The following TARS1 variants were observed in gnomAD, a reference collection of about 807,000 sequenced individuals.
The protein encoded by TARS1 is threonyl-tRNA synthetase 1.
A neutral mutation model predicts 97.7 loss-of-function variants in TARS1; 57 were observed. The ratio of observed to expected loss-of-function variants is 0.58; its 90% CI spans 0.47 to 0.73. The LOEUF (loss-of-function observed/expected upper bound fraction) is 0.73, where lower values mean the gene tolerates loss of function less well. Ranked by LOEUF, TARS1 falls within the 30% of genes least tolerant of loss-of-function variation. TARS1 has a pLI of 0.00. For synonymous variants in TARS1, 312 were observed against 293.7 expected (o/e 1.06, Z -0.64); for missense variants, 806 against 888.3 (o/e 0.91, Z 1.18).
Position 33,461,151 on chromosome 5 carries a change from TTTGAAGA to T in TARS1, c.1416_1422del (p.Ile472MetfsTer3). The T allele has an allele frequency of 6.2e-7, 1 of 1,602,294 alleles. No individual in the cohort carries two copies. The highest frequency in any genetic ancestry group is 8.5e-7 in the Non-Finnish European group (1 of 1,174,848). ...TACTGTTTCTTTTTTTGTTTTTTAATTTGAAGATTGAAGATGAAATAAAAGGTTGTTT... is the reference window on the plus strand; with the variant it reads ...TACTGTTTCTTTTTTTGTTTTTTAATTTGAAGATGAAATAAAAGGTTGTTT... On this transcript the variant is annotated splice_acceptor_variant and splice_polypyrimidine_tract_variant and coding_sequence_variant and intron_variant, in exon 13 of 19. Transcript: ENST00000265112. LOFTEE classifies it high-confidence loss of function.
chr5:33,463,802 AC>A lies in TARS1; in HGVS notation c.1887del (p.Cys630ValfsTer29), dbSNP rs767014976. 5.0e-6 allele frequency: 8 copies of A among 1,612,408 alleles called. No homozygotes were observed. The highest frequency in any genetic ancestry group is 6.8e-6 in the Non-Finnish European group (8 of 1,179,196). On this transcript the variant is annotated frameshift_variant, in exon 17 of 19. Coordinates refer to ENST00000265112, the MANE Select transcript of TARS1 (RefSeq NM_152295.5). LOFTEE classifies it high-confidence loss of function. ...RQVMVVPVGPTCDEYAQKVRQ... is the reference protein window; with the variant it reads ...RQVMVVPVGPXCDEYAQKVRQ... The stretch of plus-strand genomic sequence containing the variant: ...GGTAATGGTAGTTCCAGTGGGACCA[AC>A]CTGTGATGAATATGCCCAAAAGGTA...
intron 4 of TARS1, among the ~76,000 whole-genome samples, chr5:33,454,315 C>T (rs1224692516): frequency 3.3e-5 from 5 of 152,116 alleles, no homozygotes; most frequent in African/African-American, 4.8e-5. Context: ...AAGTTTCTTA[C>T]GAGAATTTTT....
intron 2 of TARS1, 141 bp from the exon 3 acceptor site, chr5:33,448,400 G>A (rs1741528523): frequency 1.7e-6 from 1 of 598,572 alleles, no homozygotes; most frequent in Non-Finnish European, 2.6e-6. Flanking sequence ...GTAATGCCGG[G>A]TGATTTTGGC....
chr5:33,455,575 C>A lies in TARS1; in HGVS notation c.576-12C>A, dbSNP rs761122675. On this transcript the variant is annotated splice_polypyrimidine_tract_variant and intron_variant, in intron 5 of 18. Transcript: ENST00000265112. ...GAATGGAATGAAAAGATTATACTTT[C>A]TTCTCCTTCAGGGGTGTGTCTAGCA... The A allele has an allele frequency of 3.3e-6, 5 of 1,535,546 alleles. No homozygotes were observed. The highest frequency in any genetic ancestry group is 4.4e-6 in the Non-Finnish European group (5 of 1,124,620).
upstream of TARS1, chr5:33,440,780 A>G (rs1246772629): frequency 3.8e-5 from 19 of 494,092 alleles, no homozygotes; most frequent in East Asian, 5.7e-4. Context: ...GACCAAGGTC[A>G]GCGGAGAGTA....
In TARS1 at chr5:33,463,229, G is replaced by GAATTGGATGGGCTTATTTTTT. The variant is rs1385214817; in HGVS notation, c.1836-520_1836-500dup. Among the ~76,000 whole-genome samples, 4 of 152,326 alleles carry GAATTGGATGGGCTTATTTTTT rather than the reference G, an allele frequency of 2.6e-5. No homozygotes were observed. The East Asian group carries it at 5.8e-4, about 22-fold the overall frequency. On this transcript the variant is annotated intron_variant, in intron 16 of 18. Transcript: ENST00000265112. ...TGACACTTGTATTGCTTCAAAGGGA[G>GAATTGGATGGGCTTATTTTTT]AATTGGATGGGCTTATTTTTTAATA...
rs972151438 is a variant in TARS1, at chr5:33,456,101, A to G, written c.758+35A>G. 3.7e-6 allele frequency: 6 copies of G among 1,612,192 alleles called. No homozygotes were observed. The African/African-American group carries it at 8.0e-5, about 22-fold the overall frequency. ...TTAGATGTCATTAAATGTATCTGGT[A>G]TGTATGTCATTTTGTCTTTGTTAAA... is the stretch of plus-strand genomic sequence containing the variant. On this transcript the variant is annotated intron_variant, in intron 7 of 18. Transcript: ENST00000265112.
chr5:33,458,596 A>T lies in TARS1; in HGVS notation c.1015A>T (p.Ser339Cys). Residue 339 changes from serine (S) to cysteine (C), a missense_variant, in exon 10 of 19, where the codon AGC becomes TGC. Physicochemically the swap from Ser to Cys is moderately radical, Grantham distance 112. Around this residue, in one of 3 missense-constraint regions of TARS1, gnomAD observed 446 missense variants for 511.0 expected, o/e 0.87. Coordinates refer to ENST00000265112, the MANE Select transcript of TARS1 (RefSeq NM_152295.5). The stretch of plus-strand genomic sequence containing the variant: ...AGAACTATATTTCTTTCATGAACTC[A>T]GCCCTGGAAGTTGCTTTTTTCTGCC... Reference protein sequence around the residue: ...DQELYFFHELSPGSCFFLPKG... With the variant: ...DQELYFFHELCPGSCFFLPKG... 6.2e-7 allele frequency: 1 copy of T among 1,613,596 alleles called. No individual in the cohort carries two copies. The highest frequency in any genetic ancestry group is 8.5e-7 in the Non-Finnish European group (1 of 1,179,756).
chr5:33,441,666 T>G (rs2111909440), intron 1 of TARS1: 1 of 153,310 alleles, frequency 6.5e-6, no homozygotes, highest in South Asian at 2.0e-4. Flanking sequence ...GCGGTGCATG[T>G]GGGAAGATGA....
intron 1 of TARS1, chr5:33,441,432 A>G: frequency 2.8e-6 from 1 of 358,598 alleles, no homozygotes; most frequent in South Asian, 4.8e-5. Flanking sequence ...CAGTAGTTAG[A>G]CGCGGAGACA....
At chr5:33,453,197 A>T (rs146234110) in intron 3 of TARS1, 92 bp from the exon 4 acceptor site, 2 of 1,308,304 alleles carry the variant, frequency 1.5e-6, no homozygotes, top group Non-Finnish European at 2.0e-6. Context: ...AAAACAATAT[A>T]TAATAAAAAT....
chr5:33,457,916 A>G (rs917422266), intron 9 of TARS1, among the ~76,000 whole-genome samples: 3 of 152,210 alleles, frequency 2.0e-5, no homozygotes, highest in African/African-American at 7.2e-5. Flanking sequence ...ACTCTGTGCC[A>G]GGGGTCCTTG....
chr5:33,443,706 A>G (rs1234189797), intron 1 of TARS1, among the ~76,000 whole-genome samples: 4 of 152,042 alleles, frequency 2.6e-5, no homozygotes, highest in Admixed American at 2.0e-4. Context: ...CGTGTTAGCC[A>G]GGATGGTCTC....
At chr5:33,458,512 A>G in intron 9 of TARS1, 54 bp from the exon 10 acceptor site, 3 of 1,472,368 alleles carry the variant, frequency 2.0e-6, no homozygotes, top group Non-Finnish European at 2.8e-6. Context: ...ATGTATATAT[A>G]CACACACGTA....
At position 33,455,874 on chromosome 5, in the gene TARS1, CCTT is replaced by C. The variant is rs1579585214; in HGVS notation, c.694-126_694-124del. On this transcript the variant is annotated intron_variant, in intron 6 of 18. Transcript: ENST00000265112. ...TTCATTTTTTTCCTAGCAAACCATT[CCTT>C]CAACATGTTTTTAAAACATGAAGTA... is the stretch of plus-strand genomic sequence containing the variant. 3 of 988,750 alleles carry C rather than the reference CCTT, an allele frequency of 3.0e-6. No homozygotes were observed. In the East Asian group the frequency reaches 7.9e-5, roughly 26 times the overall value. 61.2% of individuals were successfully genotyped at this position (988,750 alleles called of 1,614,324 possible).
At position 33,444,374 on chromosome 5, in the gene TARS1, T is replaced by C. The variant is rs141251201; in HGVS notation, c.58-950T>C. ...CAGTGAATACCTAAAAACCATTGAATTGTGTACTTTACATGGGTAACTTGT... is the reference window on the plus strand; with the variant it reads ...CAGTGAATACCTAAAAACCATTGAACTGTGTACTTTACATGGGTAACTTGT... On this transcript the variant is annotated intron_variant, in intron 1 of 18. Transcript: ENST00000265112. Among the ~76,000 whole-genome samples the C allele has an allele frequency of 1.6e-4, 24 of 152,366 alleles. No homozygotes were observed. The East Asian group carries it at 4.6e-3, about 29-fold the overall frequency.
At chr5:33,446,793 G>C (rs1741440150) in intron 2 of TARS1, 2 of 1,258,098 alleles carry the variant, frequency 1.6e-6, no homozygotes, top group Non-Finnish European at 2.1e-6. Context: ...ATGCTTTAGA[G>C]TGGATGGAAC....
intron 6 of TARS1, 55 bp downstream of exon 6, chr5:33,455,759 G>A: frequency 7.9e-7 from 1 of 1,273,874 alleles, no homozygotes; most frequent in Non-Finnish European, 1.1e-6. Context: ...ATTCATGTTA[G>A]TTGAAGTGAC....
upstream of TARS1, chr5:33,440,949 G>A (rs554928266): frequency 3.1e-6 from 3 of 974,648 alleles, no homozygotes; most frequent in Admixed American, 4.7e-5. Context: ...TTGGGGGCGG[G>A]GTTAGGGCGC....
Sources: allele counts gnomAD v4.1 joint callset (sites outside exome capture counted in the v4.1 genomes callset), GRCh38; gene constraint gnomAD v4.1.1; regional missense constraint gnomAD v4.1.1; transcripts MANE v1.5; gene names NCBI Gene and HGNC (gene_info 2026-07-23, HGNC 2026-07-21).